The following SHANK2 variants were observed in gnomAD, a reference collection of about 807,000 sequenced individuals.
SHANK2 encodes the protein SH3 and multiple ankyrin repeat domains 2, also known as SH3 and multiple ankyrin repeat domains protein 2.
Under a neutral mutation model 133.7 loss-of-function variants are expected in SHANK2, and 43 were observed. That is an observed-to-expected ratio of 0.32 (90% CI 0.25 to 0.41). The LOEUF (loss-of-function observed/expected upper bound fraction) is 0.41. Among genes scored for constraint, SHANK2 ranks in the 10% least tolerant of loss-of-function variants. The probability of loss-of-function intolerance (pLI) is 1.00; values close to 1 mark genes in which losing one functional copy is unlikely to be tolerated. For missense variants in SHANK2, 1,994 were observed against 2,235.8 expected (o/e 0.89, Z 2.18); for synonymous variants, 1,017 against 952.8 (o/e 1.07, Z -1.24).
At chr11:70,857,384 G>A (rs573624229) in intron 11 of SHANK2, among the ~76,000 whole-genome samples, 29 of 152,296 alleles carry the variant, frequency 1.9e-4, no homozygotes, top group African/African-American at 4.6e-4. Context: ...TAAGCAAAGC[G>A]TTCTCAACCT....
chr11:70,886,195 C>G (rs1272957661), intron 11 of SHANK2, among the ~76,000 whole-genome samples: 1 of 152,234 alleles, frequency 6.6e-6, no homozygotes, highest in Non-Finnish European at 1.5e-5. Context: ...AGACAGGTCA[C>G]AGAGGCGGCC....
chr11:71,158,092 C>T (rs1249214941), intron 2 of SHANK2, among the ~76,000 whole-genome samples: 2 of 152,172 alleles, frequency 1.3e-5, no homozygotes, highest in African/African-American at 4.8e-5. Flanking sequence ...CTACTCAAAT[C>T]CTGTAGCAAA....
intron 14 of SHANK2, among the ~76,000 whole-genome samples, chr11:70,746,529 T>C (rs1946642201): frequency 1.5e-5 from 2 of 133,620 alleles, no homozygotes; most frequent in African/African-American, 5.8e-5. Context: ...ACAGCACGCA[T>C]CTCCTCTCCC....
intron 17 of SHANK2, among the ~76,000 whole-genome samples, chr11:70,658,613 GC>G (rs1173501339): frequency 1.6e-4 from 24 of 152,300 alleles, no homozygotes; most frequent in African/African-American, 5.8e-4. Flanking sequence ...ATCTTACCTG[GC>G]TCTCCAATAG....
intron 23 of SHANK2, 53 bp from the exon 24 acceptor site, chr11:70,489,401 A>T (rs2058854859): frequency 6.3e-7 from 1 of 1,593,558 alleles, no homozygotes; most frequent in African/African-American, 1.3e-5. Flanking sequence ...ACAAATACGC[A>T]GCTTTCCCTG....
At chr11:70,900,919 T>C (rs1950013568) in intron 10 of SHANK2, among the ~76,000 whole-genome samples, 1 of 152,116 alleles carries the variant, frequency 6.6e-6, no homozygotes, top group Non-Finnish European at 1.5e-5. Context: ...GCTGCTGGTC[T>C]GGGTGCATGA....
chr11:71,167,113 A>C (rs1432407323), intron 2 of SHANK2, among the ~76,000 whole-genome samples: 2 of 152,032 alleles, frequency 1.3e-5, no homozygotes, highest in Non-Finnish European at 2.9e-5. Flanking sequence ...GGGTAAGGTC[A>C]CAGATCAACA....
intron 12 of SHANK2, among the ~76,000 whole-genome samples, chr11:70,817,347 C>T (rs1044541869): frequency 1.4e-4 from 21 of 152,208 alleles, no homozygotes; most frequent in African/African-American, 4.6e-4. Context: ...GAATCCTGGA[C>T]AGATGGATAT....
chr11:70,819,589 G>T (rs560833554), intron 12 of SHANK2, among the ~76,000 whole-genome samples: 1 of 152,196 alleles, frequency 6.6e-6, no homozygotes, highest in Non-Finnish European at 1.5e-5. Context: ...GGTGGGGAGA[G>T]ACCCAGACCT....
At chr11:70,580,931 C>T (rs371394636) in intron 17 of SHANK2, among the ~76,000 whole-genome samples, 3 of 152,352 alleles carry the variant, frequency 2.0e-5, no homozygotes, top group Admixed American at 6.5e-5. Flanking sequence ...CCCCACACTC[C>T]TCTGTCACTC....
intron 17 of SHANK2, among the ~76,000 whole-genome samples, chr11:70,573,482 A>T (rs1476716149): frequency 6.8e-6 from 1 of 148,138 alleles, no homozygotes; most frequent in African/African-American, 2.5e-5. Flanking sequence ...TAAAGTTTTT[A>T]AAAAGTGTAT....
chr11:70,710,388 G>C (rs1945757508), intron 14 of SHANK2, among the ~76,000 whole-genome samples: 1 of 152,202 alleles, frequency 6.6e-6, no homozygotes, highest in Non-Finnish European at 1.5e-5. Context: ...GCTATGGAAT[G>C]GGGTAGGAGG....
intron 17 of SHANK2, among the ~76,000 whole-genome samples, chr11:70,504,539 AC>A (rs782534515): frequency 3.0e-4 from 45 of 152,118 alleles, no homozygotes; most frequent in Middle Eastern, 6.8e-3. Flanking sequence ...ACTCAGACCC[AC>A]CCGGTTTCAG....
chr11:71,229,597 C>T (rs1395112052), intron 1 of SHANK2, among the ~76,000 whole-genome samples: 5 of 151,400 alleles, frequency 3.3e-5, no homozygotes, highest in East Asian at 1.9e-4. Flanking sequence ...GGTGAAACCC[C>T]GTCTCTATTA....
chr11:70,905,084 G>A (rs1402190634), intron 10 of SHANK2, among the ~76,000 whole-genome samples: 1 of 152,138 alleles, frequency 6.6e-6, no homozygotes, highest in African/African-American at 2.4e-5. Context: ...GGTGGAGTGG[G>A]GTGGTGCCAG....
In SHANK2 at chr11:70,763,684, C is replaced by T. The variant is rs142991503; in HGVS notation, c.1777+34759G>A. ...CTGAGCCTGTTGGGCCATATGGATG[C>T]CCGATGCATAATGGTCTGCAGCTGA... On this transcript the variant is annotated intron_variant, in intron 14 of 25. Transcript: ENST00000601538. Among the ~76,000 whole-genome samples the T allele has an allele frequency of 1.1e-3, 161 of 152,280 alleles. 1 individual carries two copies. The highest frequency in any genetic ancestry group is 1.6e-3 in the Non-Finnish European group (109 of 68,016).
intron 14 of SHANK2, among the ~76,000 whole-genome samples, chr11:70,730,922 A>C (rs1276541776): frequency 6.6e-6 from 1 of 151,656 alleles, no homozygotes; most frequent in Non-Finnish European, 1.5e-5. Context: ...CACATCCACA[A>C]TGCTGTGCAA....
chr11:70,488,180 T>G lies in SHANK2; in HGVS notation c.2573-460A>C, dbSNP rs1475473038. On this transcript the variant is annotated intron_variant, in intron 24 of 25. Coordinates refer to ENST00000601538, the MANE Select transcript of SHANK2 (RefSeq NM_012309.5). The stretch of plus-strand genomic sequence containing the variant: ...GGAGGTATCCTTCCACCATGCCCCT[T>G]CAGGCATGGTAAGGGCTCCTGGGGG... Among the ~76,000 whole-genome samples the G allele has an allele frequency of 5.9e-5, 9 of 152,200 alleles. No individual in the cohort carries two copies. The East Asian group carries it at 1.7e-3, about 29-fold the overall frequency.
chr11:71,214,605 G>A (rs1555119396), intron 2 of SHANK2, among the ~76,000 whole-genome samples: 4 of 152,206 alleles, frequency 2.6e-5, no homozygotes, highest in Admixed American at 2.6e-4. Context: ...CTGGCTCAGG[G>A]TCCCACTGCT....
Sources: gnomAD v4.1 joint callset for allele counts (sites outside exome capture counted in the v4.1 genomes callset) on GRCh38, gnomAD v4.1.1 for gene constraint, MANE v1.5 for transcripts, NCBI Gene and HGNC (gene_info 2026-07-23, HGNC 2026-07-21) for gene names.